The following CLIP1 variants were observed in gnomAD, a reference collection of about 807,000 sequenced individuals.
CLIP1 encodes the protein CAP-Gly domain-containing linker protein 1.
Under a neutral mutation model 161.6 loss-of-function variants are expected in CLIP1, and 66 were observed. The observed-to-expected ratio is 0.41, with a 90% CI of 0.33 to 0.50. CLIP1 has a LOEUF of 0.50. Ranked by LOEUF, CLIP1 falls within the 20% of genes least tolerant of loss-of-function variation. The pLI, the probability that CLIP1 is intolerant of heterozygous loss-of-function variation, is 0.27. For synonymous variants in CLIP1, 598 were observed against 626.2 expected (o/e 0.96, Z 0.67); for missense variants, 1,376 against 1,702.0 (o/e 0.81, Z 3.37).
intron 1 of CLIP1, among the ~76,000 whole-genome samples, chr12:122,389,202 C>T (rs1329030591): frequency 1.3e-5 from 2 of 152,220 alleles, no homozygotes; most frequent in Non-Finnish European, 2.9e-5. Flanking sequence ...GCAATAGCCC[C>T]TTGCACACTT....
intron 20 of CLIP1, 92 bp downstream of exon 20, chr12:122,309,670 T>C (rs1950996600): frequency 2.0e-6 from 3 of 1,478,854 alleles, no homozygotes; most frequent in Admixed American, 1.8e-5. Context: ...CCCACCACAC[T>C]GAGCAGACCT....
In CLIP1 at chr12:122,355,488, C is replaced by T. The variant is rs769950348; in HGVS notation, c.1006-176G>A. 22 of 599,070 alleles carry T rather than the reference C, an allele frequency of 3.7e-5. No individual in the cohort carries two copies. The highest frequency in any genetic ancestry group is 1.8e-4 in the Admixed American group (6 of 33,728). 37.1% of individuals were successfully genotyped at this position (599,070 alleles called of 1,614,324 possible). ...ACACAAGACAGTGTGTGCCTTCTGT[C>T]TATAAATCTCACAAAGAATACATCA... On this transcript the variant is annotated intron_variant, in intron 5 of 25. Transcript: ENST00000620786. This position sits in a 1 kb window ranked among gnomAD's most constrained non-coding sequence, Gnocchi z 4.1.
intron 2 of CLIP1, among the ~76,000 whole-genome samples, chr12:122,378,173 A>C (rs947511992): frequency 4.0e-5 from 6 of 149,740 alleles, no homozygotes; most frequent in Admixed American, 4.0e-4. Context: ...TGCAACCTCC[A>C]CCTTCCGGGT....
rs1283159281 is a variant in CLIP1 at position 122,272,153 on chromosome 12, T to TA, written c.*721dup. ...GTTTTTTTCCCAAAATATAGATTTT[T>TA]AAAAAATATATACATACAATATATA... On this transcript the variant is annotated 3_prime_UTR_variant, in exon 26 of 26. Coordinates refer to ENST00000620786, the MANE Select transcript of CLIP1 (RefSeq NM_001247997.2). 9 of 152,382 alleles carry TA rather than the reference T, an allele frequency of 5.9e-5. No individual in the cohort carries two copies. The highest frequency in any genetic ancestry group is 1.7e-4 in the African/African-American group (7 of 41,460). The allele number at this position is 152,382 out of a possible 1,614,324, so 9.4% of individuals were successfully genotyped here. A position where few individuals can be genotyped will look rare whatever the true frequency, so the allele number is the denominator to read the frequency against.
chr12:122,375,595 G>T (rs1029765571), intron 3 of CLIP1, among the ~76,000 whole-genome samples: 8 of 152,094 alleles, frequency 5.3e-5, no homozygotes, highest in Non-Finnish European at 1.2e-4. Context: ...GGTATTATAG[G>T]CATGAGCCAC....
Position 122,331,851 on chromosome 12 carries a change from C to T in CLIP1, c.2867+1136G>A, listed in dbSNP as rs1951984431. ...CTTTACTATAAATACAAAAATCAGC[C>T]GGGTGTGGTGGCACGTGCCTGTAGT... On this transcript the variant is annotated intron_variant, in intron 15 of 25. Transcript: ENST00000620786. Among the ~76,000 whole-genome samples the T allele has an allele frequency of 2.0e-5, 3 of 151,174 alleles. 1 individual carries two copies. The highest frequency in any genetic ancestry group is 4.2e-4 in the South Asian group (2 of 4,778).
At chr12:122,285,369 G>A (rs1489619020) in intron 21 of CLIP1, among the ~76,000 whole-genome samples, 1 of 152,080 alleles carries the variant, frequency 6.6e-6, no homozygotes, top group Non-Finnish European at 1.5e-5. Context: ...TAGGACTGCA[G>A]GCACATGCCA....
intron 1 of CLIP1, among the ~76,000 whole-genome samples, chr12:122,387,579 TATATATATATA>T (rs1467524476): frequency 4.6e-4 from 2 of 4,324 alleles, no homozygotes; most frequent in African/African-American, 8.6e-4. Flanking sequence ...TATATATATA[TATATATATATA>T]TTTTTTTTTT....
chr12:122,312,764 C>CA (rs1010860971), intron 19 of CLIP1, among the ~76,000 whole-genome samples: 3 of 151,902 alleles, frequency 2.0e-5, no homozygotes, highest in African/African-American at 4.8e-5. Context: ...CACCCTGTCT[C>CA]AAAAAAATAA....
chr12:122,419,945 A>AC (rs1328107485), intron 1 of CLIP1, among the ~76,000 whole-genome samples: 1 of 151,256 alleles, frequency 6.6e-6, no homozygotes, highest in Non-Finnish European at 1.5e-5. Flanking sequence ...AAAAAAAAAA[A>AC]AGCAAGAATC....
chr12:122,359,399 A>G (rs1218202957), intron 5 of CLIP1, among the ~76,000 whole-genome samples: 1 of 152,208 alleles, frequency 6.6e-6, no homozygotes, highest in African/African-American at 2.4e-5. Context: ...CACAATTAAA[A>G]GGTAATAAAA....
intron 12 of CLIP1, 43 bp downstream of exon 12, chr12:122,336,589 A>G (rs756746437): frequency 2.0e-6 from 2 of 993,704 alleles, no homozygotes; most frequent in South Asian, 2.7e-5. Flanking sequence ...AAAACAGGAA[A>G]TGGCCAGAAA....
intron 1 of CLIP1, among the ~76,000 whole-genome samples, chr12:122,394,315 C>G (rs555324609): frequency 6.6e-6 from 1 of 151,396 alleles, no homozygotes; most frequent in Non-Finnish European, 1.5e-5. Context: ...GGTGAAACCC[C>G]GTCTCTACTA....
intron 1 of CLIP1, among the ~76,000 whole-genome samples, chr12:122,391,012 G>A (rs539634808): frequency 2.6e-5 from 4 of 152,218 alleles, no homozygotes; most frequent in South Asian, 4.1e-4. Context: ...CTTCCGGCTC[G>A]GTGTGGTGGC....
chr12:122,379,020 G>A (rs1954876038), intron 2 of CLIP1, among the ~76,000 whole-genome samples: 1 of 152,122 alleles, frequency 6.6e-6, no homozygotes. Context: ...AGCTACTCGG[G>A]AGGCTGAGGC....
intron 3 of CLIP1, among the ~76,000 whole-genome samples, chr12:122,371,611 G>A (rs12818177): frequency 0.49 from 74,260 of 152,002 alleles, 21,923 homozygotes; most frequent in Non-Finnish European, 0.64. Flanking sequence ...TGGCATGGAC[G>A]GTGCCATGCA....
chr12:122,312,384 T>A (rs1951089829), intron 19 of CLIP1, among the ~76,000 whole-genome samples: 3 of 152,166 alleles, frequency 2.0e-5, no homozygotes. Context: ...AAAGCAGCCT[T>A]GTAAGTGGCA....
chr12:122,329,416 G>A (rs1035064023), intron 15 of CLIP1, among the ~76,000 whole-genome samples: 1 of 151,972 alleles, frequency 6.6e-6, no homozygotes, highest in Non-Finnish European at 1.5e-5. Flanking sequence ...GGATCACGAG[G>A]TTAGGAGATT....
intron 1 of CLIP1, among the ~76,000 whole-genome samples, chr12:122,416,757 G>A (rs753598449): frequency 5.9e-5 from 9 of 151,918 alleles, no homozygotes; most frequent in Non-Finnish European, 8.8e-5. Flanking sequence ...AAAACTAGCC[G>A]GGTGTGGTGG....
Sources: gnomAD v4.1 joint callset for allele counts (sites outside exome capture counted in the v4.1 genomes callset) on GRCh38, gnomAD v4.1.1 for gene constraint, Gnocchi (gnomAD v3.1) non-coding constraint, MANE v1.5 for transcripts, NCBI Gene and HGNC (gene_info 2026-07-23, HGNC 2026-07-21) for gene names.